The following DENND1A variants were observed in gnomAD, a reference collection of about 807,000 sequenced individuals.
DENND1A encodes the protein DENN domain containing 1A, also known as DENN domain-containing protein 1A.
DENND1A carries 51 observed loss-of-function variants against 113.7 expected under a neutral mutation model. That is an observed-to-expected ratio of 0.45 (90% CI 0.36 to 0.57). The LOEUF (loss-of-function observed/expected upper bound fraction) is 0.57, where lower values mean the gene tolerates loss of function less well. Ranked by LOEUF, DENND1A falls within the 20% of genes least tolerant of loss-of-function variation. The probability of loss-of-function intolerance (pLI) is 0.00; values close to 1 mark genes in which losing one functional copy is unlikely to be tolerated. For missense variants in DENND1A, 1,258 were observed against 1,395.9 expected, an observed-to-expected ratio of 0.90 and a Z score of 1.57; for synonymous variants, 565 against 570.8, an observed-to-expected ratio of 0.99 and a Z score of 0.14.
intron 12 of DENND1A, among the ~76,000 whole-genome samples, chr9:123,565,242 T>C (rs1215667267): frequency 2.6e-5 from 4 of 152,162 alleles, no homozygotes; most frequent in Admixed American, 1.3e-4. Context: ...TCCACCCCCA[T>C]TGGCCTCCCA....
intron 5 of DENND1A, among the ~76,000 whole-genome samples, chr9:123,704,494 T>C (rs192014725): frequency 6.6e-6 from 1 of 152,174 alleles, no homozygotes; most frequent in South Asian, 2.1e-4. Context: ...AATTCACCCA[T>C]CGTGGTCTCA....
At position 123,630,381 on chromosome 9, in the gene DENND1A, G is replaced by A. The variant is rs1415241755; in HGVS notation, c.714C>T (p.Tyr238=). Residue 238 remains tyrosine (Y), a synonymous_variant, in exon 10 of 24, where the codon TAC becomes TAT. Coordinates refer to ENST00000394215, the MANE Select transcript of DENND1A (RefSeq NM_001352964.2). The stretch of plus-strand genomic sequence containing the variant: ...GACAGGGCCAGCCACCTTACCAGCA[G>A]TAGTCCAGCAGATGCGGCGGCAGCA... ...IPVLPPHLLD[Y]CCAPMPYLIG... 8.8e-6 allele frequency: 14 copies of A among 1,593,288 alleles called. No individual in the cohort carries two copies. The highest frequency in any genetic ancestry group is 1.3e-5 in the African/African-American group (1 of 74,520).
At chr9:123,489,025 C>T (rs1168550562) in intron 13 of DENND1A, among the ~76,000 whole-genome samples, 1 of 152,150 alleles carries the variant, frequency 6.6e-6, no homozygotes, top group Admixed American at 6.6e-5. Context: ...AAAGATTTCC[C>T]CTCTGCCCTA....
rs145853727 is a variant in DENND1A at position 123,729,255 on chromosome 9, C to T, written c.302+28448G>A. ...CTATTCAACACAGTATTGGAAGTTC[C>T]GGCCAGGGCAATCAGGCAAAAGAAA... On this transcript the variant is annotated intron_variant, in intron 5 of 23. Transcript: ENST00000394215. Among the ~76,000 whole-genome samples, 21 of 152,208 alleles carry T rather than the reference C, an allele frequency of 1.4e-4. 1 individual carries two copies. Among genetic ancestry groups the T allele is most frequent in the East Asian group, 5.8e-4 (3 of 5,176 alleles).
chr9:123,910,343 A>T (rs1172630916), intron 1 of DENND1A, among the ~76,000 whole-genome samples: 3 of 152,224 alleles, frequency 2.0e-5, no homozygotes, highest in African/African-American at 7.2e-5. Flanking sequence ...TACAAGAAAG[A>T]TGCCATTGAA....
At chr9:123,860,027 T>C (rs1844833088) in intron 2 of DENND1A, among the ~76,000 whole-genome samples, 1 of 152,152 alleles carries the variant, frequency 6.6e-6, no homozygotes, top group African/African-American at 2.4e-5. Flanking sequence ...GCATTAAATA[T>C]GGATGTGAAG....
chr9:123,869,221 T>A (rs1381579639), intron 2 of DENND1A, among the ~76,000 whole-genome samples: 1 of 152,240 alleles, frequency 6.6e-6, no homozygotes, highest in African/African-American at 2.4e-5. Context: ...TAAGATTTAA[T>A]CATTAAATAC....
At position 123,488,131 on chromosome 9, in the gene DENND1A, G is replaced by A. The variant is rs375835515; in HGVS notation, c.994-30234C>T. On this transcript the variant is annotated intron_variant, in intron 13 of 23. Transcript: ENST00000394215. ...ACTCATTCACCTCTAGATCCTATCCGCCAGCACAAGGCTTAGCCTGGACAG... is the reference window on the plus strand; with the variant it reads ...ACTCATTCACCTCTAGATCCTATCCACCAGCACAAGGCTTAGCCTGGACAG... Among the ~76,000 whole-genome samples, 56 of 152,282 alleles carry A rather than the reference G, an allele frequency of 3.7e-4. 2 individuals carry two copies. The South Asian group carries it at 8.5e-3, about 23-fold the overall frequency.
chr9:123,523,647 C>T (rs1201828677), intron 13 of DENND1A, among the ~76,000 whole-genome samples: 1 of 152,212 alleles, frequency 6.6e-6, no homozygotes, highest in Non-Finnish European at 1.5e-5. Flanking sequence ...CAAAAACTTA[C>T]AGTGGCAGCT....
At chr9:123,526,107 C>A (rs955087160) in intron 13 of DENND1A, among the ~76,000 whole-genome samples, 2 of 151,966 alleles carry the variant, frequency 1.3e-5, no homozygotes, top group Non-Finnish European at 2.9e-5. Context: ...ACCACTGACC[C>A]TTCTCCCTCT....
chr9:123,841,935 A>G (rs1841901598), intron 2 of DENND1A, among the ~76,000 whole-genome samples: 1 of 152,194 alleles, frequency 6.6e-6, no homozygotes, highest in African/African-American at 2.4e-5. Context: ...CATTCAGTTT[A>G]ATGAGCAGAT....
chr9:123,479,202 C>A (rs1288542305), intron 13 of DENND1A, among the ~76,000 whole-genome samples: 1 of 152,196 alleles, frequency 6.6e-6, no homozygotes, highest in East Asian at 1.9e-4. Flanking sequence ...GCCAGGTTCA[C>A]GTGAGACATG....
chr9:123,407,505 A>G (rs2043971623), intron 20 of DENND1A, among the ~76,000 whole-genome samples: 1 of 152,134 alleles, frequency 6.6e-6, no homozygotes, highest in Admixed American at 6.5e-5. Flanking sequence ...ACAGACACAC[A>G]CAGACAAAAC....
intron 21 of DENND1A, among the ~76,000 whole-genome samples, chr9:123,398,721 T>G: frequency 6.6e-6 from 1 of 150,422 alleles, no homozygotes; most frequent in East Asian, 2.0e-4. Context: ...GCAATTTACC[T>G]ATACCTGGCA....
chr9:123,626,308 T>C (rs113621478), intron 10 of DENND1A, among the ~76,000 whole-genome samples: 8,586 of 151,632 alleles, frequency 0.057, 265 homozygotes, highest in African/African-American at 0.07. Context: ...TCTATGAAGG[T>C]GGGCGCGTCT....
At chr9:123,798,725 CAAAA>C (rs59256751) in intron 2 of DENND1A, among the ~76,000 whole-genome samples, 21 of 70,026 alleles carry the variant, frequency 3.0e-4, no homozygotes, top group African/African-American at 6.3e-4. Flanking sequence ...GTGCTGGAGG[CAAAA>C]AAAAAAAAAA....
At chr9:123,800,928 G>A (rs1450456513) in intron 2 of DENND1A, among the ~76,000 whole-genome samples, 4 of 152,162 alleles carry the variant, frequency 2.6e-5, no homozygotes, top group African/African-American at 9.7e-5. Flanking sequence ...CTCATCGTGT[G>A]TTCTAAACCA....
At chr9:123,857,627 T>C (rs1251836903) in intron 2 of DENND1A, among the ~76,000 whole-genome samples, 1 of 152,202 alleles carries the variant, frequency 6.6e-6, no homozygotes, top group Non-Finnish European at 1.5e-5. Context: ...ACTTCTATAA[T>C]ATTTCCACTC....
At chr9:123,822,894 G>A (rs564005384) in intron 2 of DENND1A, among the ~76,000 whole-genome samples, 57 of 152,218 alleles carry the variant, frequency 3.7e-4, no homozygotes, top group African/African-American at 1.2e-3. Flanking sequence ...CTTTCTTAAC[G>A]CTTACGATAC....
Sources: gnomAD v4.1 joint callset for allele counts (sites outside exome capture counted in the v4.1 genomes callset) on GRCh38, gnomAD v4.1.1 for gene constraint, MANE v1.5 for transcripts, NCBI Gene and HGNC (gene_info 2026-07-23, HGNC 2026-07-21) for gene names.